The following EYS variants were observed in gnomAD, a reference collection of about 807,000 sequenced individuals.
EYS encodes the protein protein eyes shut homolog.
Under a neutral mutation model 282.1 loss-of-function variants are expected in EYS, and 250 were observed. That is an observed-to-expected ratio of 0.89 (90% CI 0.80 to 0.98). The LOEUF (loss-of-function observed/expected upper bound fraction) is 0.98, where lower values mean the gene tolerates loss of function less well. Ranked by LOEUF, EYS falls within the 50% of genes least tolerant of loss-of-function variation. The probability of loss-of-function intolerance (pLI) is 0.00; values close to 1 mark genes in which losing one functional copy is unlikely to be tolerated. For missense variants in EYS, 4,016 were observed against 3,709.0 expected (o/e 1.08, Z -2.15); for synonymous variants, 1,355 against 1,282.9 (o/e 1.06, Z -1.20).
chr6:65,108,990 G>GATTTTTTTTCAAATTTCAGAAATTGT lies in EYS; in HGVS notation c.2024-51289_2024-51264dup, dbSNP rs1275864627. Among the ~76,000 whole-genome samples, 3 of 151,644 alleles carry GATTTTTTTTCAAATTTCAGAAATTGT rather than the reference G, an allele frequency of 2.0e-5. No homozygotes were observed. The East Asian group carries it at 5.8e-4, about 29-fold the overall frequency. Reference sequence around the variant, plus strand: ...CATTAAGCTCTTAAGTCCACCCAGTGATTTTTTTTCAAATTTCAGAAATTG... The same window carrying GATTTTTTTTCAAATTTCAGAAATTGT: ...CATTAAGCTCTTAAGTCCACCCAGTGATTTTTTTTCAAATTTCAGAAATTGTATTTTTTTTCAAATTTCAGAAATTG... On this transcript the variant is annotated intron_variant, in intron 12 of 42. Coordinates refer to ENST00000503581, the MANE Select transcript of EYS (RefSeq NM_001142800.2).
chr6:64,230,134 CCAT>C (rs1766376532), intron 31 of EYS, among the ~76,000 whole-genome samples: 1 of 152,116 alleles, frequency 6.6e-6, no homozygotes, highest in Non-Finnish European at 1.5e-5. Flanking sequence ...AATGTTAAAA[CCAT>C]ATTCTTAAGC....
chr6:65,122,258 T>A (rs1775577198), intron 12 of EYS, among the ~76,000 whole-genome samples: 2 of 152,102 alleles, frequency 1.3e-5, no homozygotes, highest in African/African-American at 2.4e-5. Flanking sequence ...TAGTCCAGAA[T>A]AACTTGGCTT....
chr6:64,683,950 C>T (rs1769992647), intron 22 of EYS, among the ~76,000 whole-genome samples: 1 of 152,186 alleles, frequency 6.6e-6, no homozygotes, highest in African/African-American at 2.4e-5. Flanking sequence ...GAGCTTCCCC[C>T]GCCCTAGTCT....
Position 64,458,084 on chromosome 6 carries a change from C to T in EYS, c.5645-18732G>A, listed in dbSNP as rs148113383. Among the ~76,000 whole-genome samples the T allele has an allele frequency of 9.4e-4, 143 of 152,032 alleles. 3 individuals carry two copies. In the East Asian group the frequency reaches 0.021, roughly 23 times the overall value. ...CTCTACACTTTGACTCCATTTACGG[C>T]CCACATTGTAAATTCATGATGTCAC... On this transcript the variant is annotated intron_variant, in intron 26 of 42. Transcript: ENST00000503581.
chr6:65,271,379 C>A (rs1293836674), intron 12 of EYS, among the ~76,000 whole-genome samples: 1 of 151,116 alleles, frequency 6.6e-6, no homozygotes, highest in Non-Finnish European at 1.5e-5. Flanking sequence ...AGGGCAAATT[C>A]AACTTTCCTC....
intron 12 of EYS, among the ~76,000 whole-genome samples, chr6:65,149,044 G>A (rs1372710658): frequency 6.6e-6 from 1 of 152,046 alleles, no homozygotes; most frequent in Non-Finnish European, 1.5e-5. Context: ...GGCATGTAAT[G>A]GGAAGGGCTG....
intron 35 of EYS, 128 bp from the exon 36 acceptor site, chr6:63,864,486 C>T: frequency 2.0e-6 from 1 of 500,944 alleles, no homozygotes; most frequent in South Asian, 4.2e-5. Flanking sequence ...TAATAAGTGA[C>T]TTTTTTCTCC....
At chr6:64,761,913 G>A (rs1173322118) in intron 22 of EYS, among the ~76,000 whole-genome samples, 4 of 152,138 alleles carry the variant, frequency 2.6e-5, no homozygotes, top group Non-Finnish European at 5.9e-5. Flanking sequence ...GGGAGAAAAG[G>A]AGAAATATTG....
At chr6:65,544,466 C>T (rs1299166348) in intron 2 of EYS, among the ~76,000 whole-genome samples, 1 of 152,036 alleles carries the variant, frequency 6.6e-6, no homozygotes. Context: ...TTTCATGATA[C>T]TGGGTGAGTT....
intron 33 of EYS, among the ~76,000 whole-genome samples, chr6:64,038,398 G>A (rs540226774): frequency 6.6e-6 from 1 of 152,064 alleles, no homozygotes; most frequent in South Asian, 2.1e-4. Context: ...TAATGTATGT[G>A]TACTTCAAGA....
rs868796821 is a variant in EYS, at chr6:65,615,400, A to G, written c.-333+24378T>C. On this transcript the variant is annotated intron_variant, in intron 2 of 42. Transcript: ENST00000503581. Reference sequence around the variant, plus strand: ...ATTTTATTTATTTATATATATATATATGTGTGTGTATATATAAATATATAT... The same window carrying G: ...ATTTTATTTATTTATATATATATATGTGTGTGTGTATATATAAATATATAT... Among the ~76,000 whole-genome samples the G allele has an allele frequency of 4.3e-4, 57 of 132,650 alleles. No individual in the cohort carries two copies. The South Asian group carries it at 4.7e-3, about 11-fold the overall frequency. The allele number at this position is 132,650 out of a possible 152,430, so 87.0% of individuals were successfully genotyped here.
intron 1 of EYS, among the ~76,000 whole-genome samples, chr6:65,659,602 G>A (rs141820547): frequency 2.0e-5 from 3 of 151,686 alleles, no homozygotes; most frequent in East Asian, 1.9e-4. Context: ...AAAGAATCAC[G>A]AGGAGAACTG....
At chr6:65,480,553 TTAC>T (rs1284852669) in intron 5 of EYS, among the ~76,000 whole-genome samples, 2 of 152,182 alleles carry the variant, frequency 1.3e-5, no homozygotes, top group Non-Finnish European at 2.9e-5. Context: ...TCTATTTTAT[TTAC>T]TACTTTATGG....
intron 26 of EYS, among the ~76,000 whole-genome samples, chr6:64,587,460 A>T (rs1766267975): frequency 6.6e-6 from 1 of 152,092 alleles, no homozygotes. Context: ...ATTGTAGAAC[A>T]TTAGACTATG....
intron 18 of EYS, among the ~76,000 whole-genome samples, chr6:64,898,036 G>C (rs1767530438): frequency 6.6e-6 from 1 of 152,108 alleles, no homozygotes; most frequent in Non-Finnish European, 1.5e-5. Context: ...CACACTTCAG[G>C]ATATCATCTA....
intron 29 of EYS, among the ~76,000 whole-genome samples, chr6:64,378,097 T>C (rs139057896): frequency 6.6e-6 from 1 of 152,202 alleles, no homozygotes; most frequent in Non-Finnish European, 1.5e-5. Flanking sequence ...TAATGTTGTA[T>C]ACATGATGTG....
At chr6:65,192,462 G>A (rs1024406645) in intron 12 of EYS, among the ~76,000 whole-genome samples, 1 of 151,410 alleles carries the variant, frequency 6.6e-6, no homozygotes, top group African/African-American at 2.4e-5. Flanking sequence ...TGTTAATAAA[G>A]GACTATAATT....
intron 31 of EYS, among the ~76,000 whole-genome samples, chr6:64,161,737 G>A (rs1775114199): frequency 6.6e-6 from 1 of 152,080 alleles, no homozygotes; most frequent in South Asian, 2.1e-4. Context: ...ATTATATAAA[G>A]ACCTATGCAG....
intron 7 of EYS, among the ~76,000 whole-genome samples, chr6:65,401,457 G>A (rs186677648): frequency 1.3e-5 from 2 of 150,638 alleles, no homozygotes; most frequent in African/African-American, 2.4e-5. Context: ...GCACATTGAG[G>A]CATAGAAATA....
Sources: gnomAD v4.1 joint callset for allele counts (sites outside exome capture counted in the v4.1 genomes callset) on GRCh38, gnomAD v4.1.1 for gene constraint, MANE v1.5 for transcripts, NCBI Gene and HGNC (gene_info 2026-07-23, HGNC 2026-07-21) for gene names.